Variants in UVRAG observed in about 807,000 individuals in gnomAD.
The protein encoded by UVRAG is UV radiation resistance-associated gene protein.
In UVRAG, 19 loss-of-function variants were observed where a neutral mutation model predicts 78.0. The ratio of observed to expected loss-of-function variants is 0.24; its 90% confidence interval spans 0.17 to 0.36. The LOEUF is 0.36. Ranked by LOEUF, UVRAG falls within the 10% of genes least tolerant of loss-of-function variation. UVRAG has a pLI of 1.00. For synonymous variants in UVRAG, 323 were observed against 324.6 expected (o/e 1.00, Z 0.05); for missense variants, 740 against 853.8 (o/e 0.87, Z 1.66).
intron 12 of UVRAG, among the ~76,000 whole-genome samples, chr11:76,028,774 G>T (rs1336763980): frequency 6.6e-6 from 1 of 152,114 alleles, no homozygotes; most frequent in African/African-American, 2.4e-5. Context: ...GAGGTTTAAG[G>T]AAAGAAGCCA....
At chr11:76,072,172 T>A (rs754012259) in intron 13 of UVRAG, among the ~76,000 whole-genome samples, 1 of 151,746 alleles carries the variant, frequency 6.6e-6, no homozygotes, top group Non-Finnish European at 1.5e-5. Flanking sequence ...CATTTAGAAG[T>A]TGAATAGAGG....
At chr11:76,047,070 C>T (rs1318674275) in intron 12 of UVRAG, among the ~76,000 whole-genome samples, 3 of 152,192 alleles carry the variant, frequency 2.0e-5, no homozygotes, top group Non-Finnish European at 4.4e-5. Flanking sequence ...TCAATACCTG[C>T]TCTGTTAGAC....
intron 13 of UVRAG, among the ~76,000 whole-genome samples, chr11:76,073,507 A>G (rs561067561): frequency 1.1e-4 from 16 of 152,280 alleles, no homozygotes; most frequent in African/African-American, 3.6e-4. Flanking sequence ...CAGCTGCCCA[A>G]TCCTTAAGGA....
chr11:75,815,501 C>T lies in UVRAG; in HGVS notation c.94C>T (p.His32Tyr). ...LPPGSAARAL[H>Y]VELPSQQRRL... ...TCCCGGTTCTGCCGCGCGGGCCCTG[C>T]ATGTGGAGCTGCCGTCTCAGCAGGT... Residue 32 changes from histidine (H) to tyrosine (Y), a missense_variant, in exon 1 of 15, where the codon CAT becomes TAT. Coordinates refer to ENST00000356136, the MANE Select transcript of UVRAG (RefSeq NM_003369.4). The T allele has an allele frequency of 8.1e-7, 1 of 1,240,784 alleles. No homozygotes were observed. Among genetic ancestry groups the T allele is most frequent in the Non-Finnish European group, 1.0e-6 (1 of 991,816 alleles). 76.9% of individuals were successfully genotyped at this position (1,240,784 alleles called of 1,614,324 possible).
At chr11:75,859,898 G>A (rs1946380016) in intron 2 of UVRAG, among the ~76,000 whole-genome samples, 1 of 152,154 alleles carries the variant, frequency 6.6e-6, no homozygotes, top group African/African-American at 2.4e-5. Flanking sequence ...AGGGTCTGCT[G>A]GAGAAGGCGA....
chr11:76,013,082 A>G (rs1279198716), intron 11 of UVRAG: 8 of 152,122 alleles, frequency 5.3e-5, no homozygotes, highest in Admixed American at 5.2e-4. Context: ...CAGCTGCCTC[A>G]GTGATTGGGA....
At chr11:75,831,152 T>C (rs190648505) in intron 1 of UVRAG, among the ~76,000 whole-genome samples, 8 of 152,342 alleles carry the variant, frequency 5.3e-5, no homozygotes, top group Admixed American at 4.6e-4. Context: ...TGTCAGGCAC[T>C]GAAGATACAG....
intron 1 of UVRAG, among the ~76,000 whole-genome samples, chr11:75,829,129 C>T (rs932955739): frequency 1.3e-5 from 2 of 152,006 alleles, no homozygotes; most frequent in African/African-American, 2.4e-5. Flanking sequence ...TGAAGCATAG[C>T]GGCTATTCAC....
intron 12 of UVRAG, among the ~76,000 whole-genome samples, chr11:76,018,148 A>G (rs1405119425): frequency 6.6e-6 from 1 of 152,124 alleles, no homozygotes; most frequent in Admixed American, 6.5e-5. Context: ...TGTCTGGAAA[A>G]TGGTAAAGGT....
At chr11:75,878,283 C>G (rs560326198) in intron 3 of UVRAG, 1 of 200,614 alleles carries the variant, frequency 5.0e-6, no homozygotes, top group Admixed American at 5.9e-5. Context: ...CAGAGACGCT[C>G]CTCACTTCGT....
At chr11:75,968,490 A>C (rs1206573436) in intron 7 of UVRAG, among the ~76,000 whole-genome samples, 1 of 152,206 alleles carries the variant, frequency 6.6e-6, no homozygotes, top group Non-Finnish European at 1.5e-5. Context: ...ATTGGAGCCA[A>C]CAATTCTGGT....
In UVRAG at chr11:75,815,262, C is replaced by T. The variant is rs1945232406; in HGVS notation, c.-146C>T. 4 of 469,236 alleles carry T rather than the reference C, an allele frequency of 8.5e-6. No individual in the cohort carries two copies. The highest frequency in any genetic ancestry group is 3.5e-5 in the East Asian group (1 of 28,472). 29.1% of individuals were successfully genotyped at this position (469,236 alleles called of 1,614,324 possible). A position where few individuals can be genotyped will look rare whatever the true frequency, so the allele number is the denominator to read the frequency against. On this transcript the variant is annotated 5_prime_UTR_variant, in exon 1 of 15. Transcript: ENST00000356136. ...GCGGCAACGGCGGCAGCGGCGGCAG[C>T]GGCGGCGGCTACTGTCTGGGCTGAG...
chr11:75,829,299 A>C (rs1488981794), intron 1 of UVRAG, among the ~76,000 whole-genome samples: 2 of 152,308 alleles, frequency 1.3e-5, no homozygotes, highest in East Asian at 1.9e-4. Context: ...ACAACTACCC[A>C]AAAACTACTA....
chr11:76,104,451 G>A (rs985610794), intron 13 of UVRAG, among the ~76,000 whole-genome samples: 1 of 152,088 alleles, frequency 6.6e-6, no homozygotes, highest in South Asian at 2.1e-4. Flanking sequence ...TTGTAGTGAG[G>A]ACTTAATGAA....
rs146811070 is a variant in UVRAG, at chr11:75,815,771, C to T, written c.117+247C>T. Among the ~76,000 whole-genome samples the T allele has an allele frequency of 5.1e-4, 77 of 152,264 alleles. No homozygotes were observed. In the South Asian group the frequency reaches 5.4e-3, roughly 11 times the overall value. On this transcript the variant is annotated intron_variant, in intron 1 of 14. Transcript: ENST00000356136. ...ATGGGCTTGTTAAGGGACAAGCAGC[C>T]AGCCAGCTCAAGTCCCTGGGGCCCC...
intron 6 of UVRAG, among the ~76,000 whole-genome samples, chr11:75,937,494 T>C (rs1948396115): frequency 6.6e-6 from 1 of 152,220 alleles, no homozygotes; most frequent in Non-Finnish European, 1.5e-5. Context: ...ATCATCTTAG[T>C]TTTTGGAAGA....
intron 12 of UVRAG, among the ~76,000 whole-genome samples, chr11:76,061,796 G>A (rs747662306): frequency 6.6e-6 from 1 of 152,190 alleles, no homozygotes; most frequent in Admixed American, 6.5e-5. Context: ...AAGTTAGTGA[G>A]ACCAAGAACC....
At chr11:75,859,485 G>A (rs949558151) in intron 2 of UVRAG, among the ~76,000 whole-genome samples, 3 of 150,578 alleles carry the variant, frequency 2.0e-5, no homozygotes, top group African/African-American at 7.4e-5. Flanking sequence ...ATAATTTTAG[G>A]TTTTGTTTTA....
intron 1 of UVRAG, among the ~76,000 whole-genome samples, chr11:75,850,156 A>G (rs1036515936): frequency 6.6e-6 from 1 of 152,022 alleles, no homozygotes; most frequent in African/African-American, 2.4e-5. Context: ...GCACCCAGCC[A>G]GAATGGGGAG....
Sources: gnomAD v4.1 joint callset for allele counts (sites outside exome capture counted in the v4.1 genomes callset) on GRCh38, gnomAD v4.1.1 for gene constraint, MANE v1.5 for transcripts, NCBI Gene and HGNC (gene_info 2026-07-23, HGNC 2026-07-21) for gene names.